PRKD1: variants seen among roughly 807,000 people sequenced by gnomAD.
The protein encoded by PRKD1 is serine/threonine-protein kinase D1.
In PRKD1, 63 loss-of-function variants were observed where a neutral mutation model predicts 95.9. The ratio of observed to expected loss-of-function variants is 0.66; its 90% confidence interval spans 0.54 to 0.81. PRKD1 has a LOEUF of 0.81. PRKD1 is among the 30% of genes least tolerant of loss of function. The pLI, the probability that PRKD1 is intolerant of heterozygous loss-of-function variation, is 0.00. For missense variants in PRKD1, 1,048 were observed against 1,165.3 expected, an observed-to-expected ratio of 0.90 and a Z score of 1.47; for synonymous variants, 425 against 423.1, an observed-to-expected ratio of 1.00 and a Z score of -0.05.
At position 29,814,541 on chromosome 14, in the gene PRKD1, G is replaced by C. The variant is rs72660416; in HGVS notation, c.265-88867C>G. On this transcript the variant is annotated intron_variant, in intron 1 of 17. Transcript: ENST00000331968. ...TTTTCCCTGCCCTGTCTGGGCACCT[G>C]AAAGTTCTGAATAGCTAACCTCTTA... Among the ~76,000 whole-genome samples the C allele has an allele frequency of 7.2e-3, 1,096 of 152,258 alleles. 8 individuals are homozygous for C. Among genetic ancestry groups the C allele is most frequent in the Middle Eastern group, 0.024 (7 of 294 alleles).
intron 1 of PRKD1, among the ~76,000 whole-genome samples, chr14:29,864,030 A>G (rs1210781825): frequency 6.6e-6 from 1 of 152,134 alleles, no homozygotes; most frequent in Non-Finnish European, 1.5e-5. Flanking sequence ...TTGTTTTTTC[A>G]AAATTCAGAT....
rs45584437 is a variant in PRKD1, at chr14:29,715,792, T to C, written c.403+9744A>G. 3.6e-3 allele frequency among the ~76,000 whole-genome samples: 541 copies of C among 152,336 alleles called. 4 individuals carry two copies. Among genetic ancestry groups the C allele is most frequent in the African/African-American group, 0.012 (516 of 41,584 alleles). The stretch of plus-strand genomic sequence containing the variant: ...ATTCTATAACTCATCCATTTCATTA[T>C]ATCCTATGTGTCAAGCTTTCATTTT... On this transcript the variant is annotated intron_variant, in intron 2 of 17. Transcript: ENST00000331968.
chr14:29,886,149 C>T (rs1291180223), intron 1 of PRKD1, among the ~76,000 whole-genome samples: 1 of 152,128 alleles, frequency 6.6e-6, no homozygotes, highest in Non-Finnish European at 1.5e-5. Context: ...AGGAAAGAGA[C>T]TTGCCCTCCA....
chr14:29,841,278 A>T (rs1891832159), intron 1 of PRKD1, among the ~76,000 whole-genome samples: 1 of 152,174 alleles, frequency 6.6e-6, no homozygotes, highest in African/African-American at 2.4e-5. Flanking sequence ...ATGAGTTAAG[A>T]ATCTGGGGGA....
intron 1 of PRKD1, among the ~76,000 whole-genome samples, chr14:29,817,206 A>C (rs942296497): frequency 7.2e-5 from 11 of 152,182 alleles, no homozygotes; most frequent in Admixed American, 3.3e-4. Context: ...GCTTCTGCCA[A>C]ATCAAAATGA....
At chr14:29,924,559 T>A (rs984630230) in intron 1 of PRKD1, among the ~76,000 whole-genome samples, 11 of 152,160 alleles carry the variant, frequency 7.2e-5, no homozygotes, top group Non-Finnish European at 1.5e-4. Flanking sequence ...ACAAAGTGAA[T>A]GAAAAACTTC....
chr14:29,738,150 A>C (rs1357735525), intron 1 of PRKD1, among the ~76,000 whole-genome samples: 2 of 152,228 alleles, frequency 1.3e-5, no homozygotes, highest in African/African-American at 2.4e-5. Flanking sequence ...AATTTCTTCA[A>C]GTTTGGGTAC....
At chr14:29,868,519 T>C (rs576549608) in intron 1 of PRKD1, among the ~76,000 whole-genome samples, 1 of 152,338 alleles carries the variant, frequency 6.6e-6, no homozygotes, top group South Asian at 2.1e-4. Context: ...TGGAGGTACA[T>C]ACACTTGGAG....
intron 1 of PRKD1, among the ~76,000 whole-genome samples, chr14:29,880,836 G>T (rs1474361420): frequency 6.6e-6 from 1 of 152,198 alleles, no homozygotes; most frequent in Non-Finnish European, 1.5e-5. Context: ...AAATTTGACT[G>T]CCCTGCTGGA....
chr14:29,657,001 A>G (rs1881887707), intron 4 of PRKD1, among the ~76,000 whole-genome samples: 1 of 152,248 alleles, frequency 6.6e-6, no homozygotes, highest in South Asian at 2.1e-4. Context: ...AATAATCAGT[A>G]GCAGTCAGTG....
intron 13 of PRKD1, among the ~76,000 whole-genome samples, chr14:29,615,889 C>T (rs1372662685): frequency 6.6e-6 from 1 of 151,958 alleles, no homozygotes; most frequent in Non-Finnish European, 1.5e-5. Context: ...TGGGGAAAAA[C>T]ATTAGGGTTA....
intron 8 of PRKD1, among the ~76,000 whole-genome samples, chr14:29,633,767 T>A (rs1024845491): frequency 6.6e-6 from 1 of 152,188 alleles, no homozygotes; most frequent in African/African-American, 2.4e-5. Context: ...GTCTTCTCTC[T>A]CTAACACAGA....
At chr14:29,762,458 G>C (rs1304230174) in intron 1 of PRKD1, among the ~76,000 whole-genome samples, 2 of 151,906 alleles carry the variant, frequency 1.3e-5, no homozygotes, top group African/African-American at 4.8e-5. Context: ...TCTCAACTTA[G>C]AGGCTCTGCT....
intron 10 of PRKD1, among the ~76,000 whole-genome samples, chr14:29,629,871 A>G (rs1247545717): frequency 6.6e-6 from 1 of 151,986 alleles, no homozygotes; most frequent in Non-Finnish European, 1.5e-5. Context: ...AGGGAAACTT[A>G]TTAATTCAGA....
At position 29,638,815 on chromosome 14, in the gene PRKD1, A is replaced by G. The variant is rs984818178; in HGVS notation, c.786T>C (p.Ile262=). ...GCGGCACTTTAACTTTAGACATCAA[A>G]ATCTTGTCAAGGTGAATTGGTCGTC... ...YIGRPIHLDK[I]LMSKVKVPHT... is the part of the protein sequence containing the mutation. Residue 262 remains isoleucine, a synonymous_variant, in exon 5 of 18, where the codon ATT becomes ATC. Transcript: ENST00000331968. 72 of 1,613,936 alleles carry G rather than the reference A, an allele frequency of 4.5e-5. No individual in the cohort carries two copies. Among genetic ancestry groups the G allele is most frequent in the Non-Finnish European group, 5.8e-5 (68 of 1,180,004 alleles).
intron 1 of PRKD1, among the ~76,000 whole-genome samples, chr14:29,826,710 CAT>C (rs199668864): frequency 0.018 from 1,240 of 67,688 alleles, 158 homozygotes; most frequent in South Asian, 0.074. Flanking sequence ...CATATATACA[CAT>C]ATATATATAC....
In PRKD1 at chr14:29,927,730, C is replaced by A. The variant is rs1010487491; in HGVS notation, c.-218G>T. On this transcript the variant is annotated 5_prime_UTR_variant, in exon 1 of 18. Transcript: ENST00000331968. ...GGAGATGGGGAGGAGGGAAAATGGC[C>A]GAGGCGGGAGGACTCTGAGGCCCGG... 73 of 203,124 alleles carry A rather than the reference C, an allele frequency of 3.6e-4. No homozygotes were observed. The highest frequency in any genetic ancestry group is 1.6e-3 in the African/African-American group (70 of 42,586). The allele number at this position is 203,124 out of a possible 1,614,324, so 12.6% of individuals were successfully genotyped here. A position where few individuals can be genotyped will look rare whatever the true frequency, so the allele number is the denominator to read the frequency against.
intron 1 of PRKD1, among the ~76,000 whole-genome samples, chr14:29,745,768 C>T (rs1005300820): frequency 6.6e-6 from 1 of 152,114 alleles, no homozygotes; most frequent in Non-Finnish European, 1.5e-5. Flanking sequence ...GAGCCACCTG[C>T]ACCCAGCCCA....
chr14:29,769,930 C>A (rs955467221), intron 1 of PRKD1, among the ~76,000 whole-genome samples: 8 of 152,142 alleles, frequency 5.3e-5, no homozygotes, highest in African/African-American at 1.4e-4. Flanking sequence ...GAAACCTAAT[C>A]CTCAATCTCC....
Sources: gnomAD v4.1 joint callset for allele counts (sites outside exome capture counted in the v4.1 genomes callset) on GRCh38, gnomAD v4.1.1 for gene constraint, MANE v1.5 for transcripts, NCBI Gene and HGNC (gene_info 2026-07-23, HGNC 2026-07-21) for gene names.